Variants in CMSS1 observed in about 807,000 individuals in gnomAD.
CMSS1 encodes the protein cms1 ribosomal small subunit homolog, also known as protein CMSS1.
Under a neutral mutation model 43.5 loss-of-function variants are expected in CMSS1, and 33 were observed. That is an observed-to-expected ratio of 0.76 (90% CI 0.57 to 1.01). The LOEUF (loss-of-function observed/expected upper bound fraction) is 1.01, where lower values mean the gene tolerates loss of function less well. Ranked by LOEUF, CMSS1 falls within the 50% of genes least tolerant of loss-of-function variation. The pLI is 0.00. For synonymous variants in CMSS1, 115 were observed against 117.2 expected (o/e 0.98, Z 0.12); for missense variants, 313 against 326.4 (o/e 0.96, Z 0.32).
intron 2 of CMSS1, among the ~76,000 whole-genome samples, chr3:100,150,665 C>T (rs1391773308): frequency 6.6e-6 from 1 of 152,194 alleles, no homozygotes; most frequent in African/African-American, 2.4e-5. Context: ...AACCATTTCA[C>T]ATCTAAATAA....
In CMSS1 at chr3:100,006,096, G is replaced by A. The variant is rs192807462; in HGVS notation, c.65-140877G>A. On this transcript the variant is annotated intron_variant, in intron 1 of 9. Transcript: ENST00000421999. Reference sequence around the variant, plus strand: ...GCATTAGACCAGAAAGCCCTTAGCCGTAGACCTCTGGGTAAAATTTGTTGC... The same window carrying A: ...GCATTAGACCAGAAAGCCCTTAGCCATAGACCTCTGGGTAAAATTTGTTGC... Among the ~76,000 whole-genome samples the A allele has an allele frequency of 2.3e-3, 344 of 152,222 alleles. 1 individual carries two copies. The highest frequency in any genetic ancestry group is 8.0e-3 in the African/African-American group (331 of 41,532).
chr3:99,879,992 A>G (rs1426395304), intron 1 of CMSS1, among the ~76,000 whole-genome samples: 1 of 152,046 alleles, frequency 6.6e-6, no homozygotes, highest in Non-Finnish European at 1.5e-5. Context: ...CTACCACCTT[A>G]CCCACAGCCT....
intron 1 of CMSS1, among the ~76,000 whole-genome samples, chr3:99,831,641 G>T (rs1468760632): frequency 6.6e-6 from 1 of 152,214 alleles, no homozygotes; most frequent in Non-Finnish European, 1.5e-5. Context: ...ATGGATTTCT[G>T]TGATGTCCTG....
At chr3:100,036,489 A>G (rs1311254368) in intron 1 of CMSS1, among the ~76,000 whole-genome samples, 1 of 152,240 alleles carries the variant, frequency 6.6e-6, no homozygotes, top group African/African-American at 2.4e-5. Flanking sequence ...ATTGAATAAA[A>G]TAAGAATTCA....
At chr3:100,176,548 C>G in intron 9 of CMSS1, 133 bp downstream of exon 9, 2 of 607,114 alleles carry the variant, frequency 3.3e-6, no homozygotes, top group South Asian at 4.1e-5. Flanking sequence ...TTTTTTAACT[C>G]TGAGCTAACT....
At chr3:100,148,100 A>G (rs1264032282) in intron 2 of CMSS1, among the ~76,000 whole-genome samples, 1 of 152,124 alleles carries the variant, frequency 6.6e-6, no homozygotes, top group Non-Finnish European at 1.5e-5. Context: ...TGTTTTTGAG[A>G]TAGGGTCTTG....
chr3:100,174,587 T>C lies in CMSS1; in HGVS notation c.668-1740T>C, dbSNP rs186504585. ...GATTCTAATTGGATGAATGGTTTCATATTCATTAACCACAGGTATTTGCCT... is the reference window on the plus strand; with the variant it reads ...GATTCTAATTGGATGAATGGTTTCACATTCATTAACCACAGGTATTTGCCT... On this transcript the variant is annotated intron_variant, in intron 8 of 9. Transcript: ENST00000421999. 1.8e-3 allele frequency among the ~76,000 whole-genome samples: 269 copies of C among 152,344 alleles called. 1 individual carries two copies. Among genetic ancestry groups the C allele is most frequent in the Middle Eastern group, 6.8e-3 (2 of 294 alleles).
At chr3:99,980,261 C>T (rs905745224) in intron 1 of CMSS1, among the ~76,000 whole-genome samples, 1 of 152,134 alleles carries the variant, frequency 6.6e-6, no homozygotes, top group African/African-American at 2.4e-5. Context: ...CCTGGATCTA[C>T]TAATCTTACC....
chr3:99,954,308 G>C (rs1453361145), intron 1 of CMSS1, among the ~76,000 whole-genome samples: 1 of 152,204 alleles, frequency 6.6e-6, no homozygotes, highest in Non-Finnish European at 1.5e-5. Flanking sequence ...CTGCTGCCAA[G>C]AGGGAGTATA....
intron 1 of CMSS1, chr3:99,849,253 T>C: frequency 6.2e-7 from 1 of 1,614,208 alleles, no homozygotes; most frequent in Non-Finnish European, 8.5e-7. Flanking sequence ...ATCAGGTGGT[T>C]CATTGTCTAC....
intron 1 of CMSS1, among the ~76,000 whole-genome samples, chr3:99,876,430 A>G (rs1300753017): frequency 1.3e-5 from 2 of 152,220 alleles, no homozygotes; most frequent in Non-Finnish European, 2.9e-5. Flanking sequence ...TCGGGCTAAC[A>G]AAGTCATTGG....
intron 2 of CMSS1, among the ~76,000 whole-genome samples, chr3:100,151,309 T>C (rs1289389213): frequency 6.6e-6 from 1 of 152,214 alleles, no homozygotes; most frequent in Non-Finnish European, 1.5e-5. Flanking sequence ...AAAACATTTA[T>C]TATGTCAGTT....
chr3:99,828,655 C>T (rs1322475847), intron 1 of CMSS1, among the ~76,000 whole-genome samples: 25 of 150,730 alleles, frequency 1.7e-4, no homozygotes, highest in Non-Finnish European at 3.0e-5. Flanking sequence ...AAGGTCTTGC[C>T]AAGTTGCCCA....
At chr3:100,002,615 A>T (rs958884889) in intron 1 of CMSS1, among the ~76,000 whole-genome samples, 2 of 152,204 alleles carry the variant, frequency 1.3e-5, no homozygotes, top group African/African-American at 4.8e-5. Flanking sequence ...CCAAATGCAT[A>T]TCTGTCCATC....
At chr3:99,850,806 T>C in intron 1 of CMSS1, 1 of 1,614,204 alleles carries the variant, frequency 6.2e-7, no homozygotes, top group Non-Finnish European at 8.5e-7. Context: ...CCTTCTCTAG[T>C]CTGGTTGCCT....
rs71132503 is a variant in CMSS1 at position 99,983,458 on chromosome 3, A to ATGTG, written c.65-163511_65-163508dup. ...TATATATATGTATGTATATATATATATGTGTGTATATATATATATATATAT... is the reference window on the plus strand; with the variant it reads ...TATATATATGTATGTATATATATATATGTGTGTGTGTATATATATATATATATAT... On this transcript the variant is annotated intron_variant, in intron 1 of 9. Transcript: ENST00000421999. Among the ~76,000 whole-genome samples, 75 of 16,230 alleles carry ATGTG rather than the reference A, an allele frequency of 4.6e-3. 1 individual carries two copies. The highest frequency in any genetic ancestry group is 0.025 in the African/African-American group (75 of 2,994). The allele number at this position is 16,230 out of a possible 152,430, so 10.6% of individuals were successfully genotyped here.
At chr3:100,073,507 G>A (rs1036757748) in intron 1 of CMSS1, among the ~76,000 whole-genome samples, 24 of 152,164 alleles carry the variant, frequency 1.6e-4, no homozygotes, top group Non-Finnish European at 4.4e-5. Flanking sequence ...CTTAGGTCAA[G>A]AAAACAGAAA....
chr3:99,898,636 G>A, intron 1 of CMSS1: 1 of 189,696 alleles, frequency 5.3e-6, no homozygotes, highest in Non-Finnish European at 1.1e-5. Context: ...CATGATGGCG[G>A]GTGCCTGTAA....
intron 1 of CMSS1, among the ~76,000 whole-genome samples, chr3:99,911,833 T>G (rs1706798950): frequency 6.6e-6 from 1 of 152,214 alleles, no homozygotes; most frequent in South Asian, 2.1e-4. Context: ...TTATTTTTTT[T>G]TCCTAGTTCC....
Sources: allele counts gnomAD v4.1 joint callset (sites outside exome capture counted in the v4.1 genomes callset), GRCh38; gene constraint gnomAD v4.1.1; transcripts MANE v1.5; gene names NCBI Gene and HGNC (gene_info 2026-07-23, HGNC 2026-07-21).